NFIX: variants seen among roughly 807,000 people sequenced by gnomAD.
NFIX encodes nuclear factor I X, also known as nuclear factor 1 X-type.
In NFIX, 2 loss-of-function variants were observed where a neutral mutation model predicts 53.3. The ratio of observed to expected loss-of-function variants is 0.04; its 90% CI spans 0.02 to 0.12. The LOEUF (loss-of-function observed/expected upper bound fraction) is 0.12, where lower values mean the gene tolerates loss of function less well. NFIX is among the 10% of genes least tolerant of loss of function. NFIX has a pLI of 1.00. For missense variants in NFIX, 310 were observed against 674.5 expected, an observed-to-expected ratio of 0.46 and a Z score of 5.99; for synonymous variants, 244 against 289.0, an observed-to-expected ratio of 0.84 and a Z score of 1.58.
rs934602083 is a variant in NFIX, at chr19:13,027,479, A to C, written c.559+1927A>C. On this transcript the variant is annotated intron_variant, in intron 2 of 10. Transcript: ENST00000592199. This position sits in a 1 kb window ranked among gnomAD's most constrained non-coding sequence, Gnocchi z 4.3. Reference sequence around the variant, plus strand: ...GAGCTTACCAGTGTGGCCATCAGATACTCCTGCACAAGGGGATTCTGCACC... The same window carrying C: ...GAGCTTACCAGTGTGGCCATCAGATCCTCCTGCACAAGGGGATTCTGCACC... Among the ~76,000 whole-genome samples the C allele has an allele frequency of 6.6e-6, 1 of 152,012 alleles. No individual in the cohort carries two copies. Among genetic ancestry groups the C allele is most frequent in the Non-Finnish European group, 1.5e-5 (1 of 68,008 alleles).
In NFIX at chr19:13,009,616, G is replaced by A. The variant is rs533570914; in HGVS notation, c.27+13752G>A. The stretch of plus-strand genomic sequence containing the variant: ...AGCCCAGAGCAAGAAACAGGAGGAA[G>A]AGGCTTCCTGATTCCCCGCTTAAGG... On this transcript the variant is annotated intron_variant, in intron 1 of 10. Coordinates refer to ENST00000592199, the MANE Select transcript of NFIX (RefSeq NM_001365902.3). The surrounding 1 kb of genome is among the most constrained non-coding windows in gnomAD (Gnocchi z 4.7). 8.5e-5 allele frequency among the ~76,000 whole-genome samples: 13 copies of A among 152,350 alleles called. No individual in the cohort carries two copies. In the East Asian group the frequency reaches 2.5e-3, roughly 29 times the overall value.
At chr19:13,019,723 G>GTT (rs1414490273) in intron 1 of NFIX, among the ~76,000 whole-genome samples, 2 of 115,802 alleles carry the variant, frequency 1.7e-5, no homozygotes, top group Admixed American at 8.2e-5. Flanking sequence ...TTTTTTTTTT[G>GTT]TTTGTTTGTT....
chr19:13,007,222 T>C lies in NFIX; in HGVS notation c.27+11358T>C, dbSNP rs2012073322. On this transcript the variant is annotated intron_variant, in intron 1 of 10. Coordinates refer to ENST00000592199, the MANE Select transcript of NFIX (RefSeq NM_001365902.3). ...AACCTCACTTCCAAACCCGCCGCCATCGTTGGCTCTCTGGCCTTCTCTGCC... is the reference window on the plus strand; with the variant it reads ...AACCTCACTTCCAAACCCGCCGCCACCGTTGGCTCTCTGGCCTTCTCTGCC... 2.0e-5 allele frequency among the ~76,000 whole-genome samples: 3 copies of C among 151,550 alleles called. No individual in the cohort carries two copies. The South Asian group carries it at 6.3e-4, about 32-fold the overall frequency.
Position 13,094,071 on chromosome 19 carries a change from C to T in NFIX, c.1495-564C>T, listed in dbSNP as rs2018299679. ...ATCCAGCACCATGGGCTACGTGGCC[C>T]CTCCCCCAGGCCTGGCGCTACTAGG... On this transcript the variant is annotated intron_variant, in intron 10 of 10. Transcript: ENST00000592199. The surrounding 1 kb of genome is among the most constrained non-coding windows in gnomAD (Gnocchi z 4.3). Among the ~76,000 whole-genome samples the T allele has an allele frequency of 6.6e-6, 1 of 152,186 alleles. No individual in the cohort carries two copies. The highest frequency in any genetic ancestry group is 2.4e-5 in the African/African-American group (1 of 41,428).
chr19:13,003,101 T>TG lies in NFIX; in HGVS notation c.27+7246dup, dbSNP rs5827171. ...CTTCGGTCGAATCATCTTGGGGAGT[T>TG]GGGGGGGGGTTTATTCCGGGTCCAT... is the stretch of plus-strand genomic sequence containing the variant. On this transcript the variant is annotated intron_variant, in intron 1 of 10. Coordinates refer to ENST00000592199, the MANE Select transcript of NFIX (RefSeq NM_001365902.3). 6.8e-3 allele frequency among the ~76,000 whole-genome samples: 1,015 copies of TG among 149,222 alleles called. 12 individuals carry two copies. The highest frequency in any genetic ancestry group is 0.024 in the African/African-American group (963 of 40,554).
intron 2 of NFIX, among the ~76,000 whole-genome samples, chr19:13,053,380 A>T (rs1001602133): frequency 6.6e-6 from 1 of 152,158 alleles, no homozygotes; most frequent in Non-Finnish European, 1.5e-5. Context: ...TATTTTTTTT[A>T]AGTTTCCCAA....
rs2011473614 is a variant in NFIX, at chr19:12,996,539, G to GGCGCGCTGCCAGCGGTGGCCGC, written c.27+678_27+699dup. Among the ~76,000 whole-genome samples, 1 of 152,146 alleles carries GGCGCGCTGCCAGCGGTGGCCGC rather than the reference G, an allele frequency of 6.6e-6. No homozygotes were observed. Among genetic ancestry groups the GGCGCGCTGCCAGCGGTGGCCGC allele is most frequent in the Admixed American group, 6.5e-5 (1 of 15,284 alleles). ...GGGCAGGGGAGGGGAGAGGGGGGCG[G>GGCGCGCTGCCAGCGGTGGCCGC]GCGCGCTGCCAGCGGTGGCCGCGCC... On this transcript the variant is annotated intron_variant, in intron 1 of 10. Transcript: ENST00000592199. This position sits in a 1 kb window ranked among gnomAD's most constrained non-coding sequence, Gnocchi z 5.2.
chr19:13,006,943 T>A lies in NFIX; in HGVS notation c.27+11079T>A, dbSNP rs968367457. Among the ~76,000 whole-genome samples the A allele has an allele frequency of 1.3e-5, 2 of 152,120 alleles. No homozygotes were observed. The highest frequency in any genetic ancestry group is 4.8e-5 in the African/African-American group (2 of 41,430). On this transcript the variant is annotated intron_variant, in intron 1 of 10. Transcript: ENST00000592199. The surrounding 1 kb of genome is among the most constrained non-coding windows in gnomAD (Gnocchi z 5.6). The stretch of plus-strand genomic sequence containing the variant: ...CCAGTCTCCATTTCGAAGCTTGAGG[T>A]GGGGGTGGGGAAGTGCTGGGCGCCT...
At chr19:13,019,509 CCTT>C (rs991429638) in intron 1 of NFIX, among the ~76,000 whole-genome samples, 16 of 151,988 alleles carry the variant, frequency 1.1e-4, no homozygotes, top group African/African-American at 3.1e-4. Context: ...CCATCTTTGT[CCTT>C]CTTTCTTTTC....
Position 13,012,753 on chromosome 19 carries a change from A to T in NFIX, c.28-12268A>T, listed in dbSNP as rs2012431436. Among the ~76,000 whole-genome samples, 1 of 152,150 alleles carries T rather than the reference A, an allele frequency of 6.6e-6. No homozygotes were observed. Among genetic ancestry groups the T allele is most frequent in the Non-Finnish European group, 1.5e-5 (1 of 68,040 alleles). On this transcript the variant is annotated intron_variant, in intron 1 of 10. Coordinates refer to ENST00000592199, the MANE Select transcript of NFIX (RefSeq NM_001365902.3). The surrounding 1 kb of genome is among the most constrained non-coding windows in gnomAD (Gnocchi z 5.0). ...GGTGCTTGGGAGAGTTTGGGGTTTAACTGCCCCCAAATCCGAGGACAGCTT... is the reference window on the plus strand; with the variant it reads ...GGTGCTTGGGAGAGTTTGGGGTTTATCTGCCCCCAAATCCGAGGACAGCTT...
chr19:13,037,917 A>G lies in NFIX; in HGVS notation c.559+12365A>G, dbSNP rs1333224897. Among the ~76,000 whole-genome samples the G allele has an allele frequency of 6.6e-6, 1 of 152,138 alleles. No homozygotes were observed. The highest frequency in any genetic ancestry group is 1.5e-5 in the Non-Finnish European group (1 of 68,014). ...CCAAACGTCACAAGTGCGGAGGTGG[A>G]GAAACCCAGCCTTAGAGGGAGAATA... On this transcript the variant is annotated intron_variant, in intron 2 of 10. Transcript: ENST00000592199. This position sits in a 1 kb window ranked among gnomAD's most constrained non-coding sequence, Gnocchi z 4.2.
chr19:13,023,204 CA>C (rs578043754), intron 1 of NFIX, among the ~76,000 whole-genome samples: 1,417 of 131,358 alleles, frequency 0.011, 13 homozygotes, highest in African/African-American at 0.033. Flanking sequence ...AGAAAAGGAG[CA>C]AAAAAAAAAA....
Position 13,052,909 on chromosome 19 carries a change from C to G in NFIX, c.560-20138C>G, listed in dbSNP as rs1045140310. ...TGTGTCTTCCCATGTTCCCTTCGTC[C>G]TGTTCACAGGGAGGTGGAAATCCAG... On this transcript the variant is annotated intron_variant, in intron 2 of 10. Coordinates refer to ENST00000592199, the MANE Select transcript of NFIX (RefSeq NM_001365902.3). This position sits in a 1 kb window ranked among gnomAD's most constrained non-coding sequence, Gnocchi z 5.2. Among the ~76,000 whole-genome samples, 1 of 152,240 alleles carries G rather than the reference C, an allele frequency of 6.6e-6. No individual in the cohort carries two copies. The highest frequency in any genetic ancestry group is 1.5e-5 in the Non-Finnish European group (1 of 68,044).
intron 2 of NFIX, among the ~76,000 whole-genome samples, chr19:13,033,931 T>C (rs893395563): frequency 2.0e-5 from 3 of 152,226 alleles, no homozygotes; most frequent in Admixed American, 6.5e-5. Flanking sequence ...CTGGAGCTGA[T>C]TCCCTCCTCA....
In NFIX at chr19:12,996,170, T is replaced by C. The variant is rs867292592; in HGVS notation, c.27+306T>C. On this transcript the variant is annotated intron_variant, in intron 1 of 10. Transcript: ENST00000592199. The surrounding 1 kb of genome is among the most constrained non-coding windows in gnomAD (Gnocchi z 5.2). ...GTGTGTGTGTGTGTGTGTGTGTGTG[T>C]GCGCGCTCGACTGGGGTGCGATGGG... Among the ~76,000 whole-genome samples the C allele has an allele frequency of 4.9e-3, 683 of 139,526 alleles. 2 individuals are homozygous for C. Among genetic ancestry groups the C allele is most frequent in the South Asian group, 0.011 (47 of 4,168 alleles). 91.5% of individuals were successfully genotyped at this position (139,526 alleles called of 152,430 possible).
At chr19:13,015,428 G>A (rs1470316817) in intron 1 of NFIX, among the ~76,000 whole-genome samples, 1 of 152,084 alleles carries the variant, frequency 6.6e-6, no homozygotes, top group Non-Finnish European at 1.5e-5. Flanking sequence ...GCCTGGTGTC[G>A]CTTGCTCACT....
rs971804798 is a variant in NFIX at position 13,075,104 on chromosome 19, C to G, written c.819-431C>G. 3.1e-5 allele frequency among the ~76,000 whole-genome samples: 4 copies of G among 130,072 alleles called. No homozygotes were observed. In the East Asian group the frequency reaches 9.9e-4, roughly 32 times the overall value. 85.3% of individuals were successfully genotyped at this position (130,072 alleles called of 152,430 possible). ...AAAAAAAAAAAGGAACTAAAATATT[C>G]TTTATATTGATGACTGAGTTTTATG... On this transcript the variant is annotated intron_variant, in intron 5 of 10. Coordinates refer to ENST00000592199, the MANE Select transcript of NFIX (RefSeq NM_001365902.3).
At position 13,028,702 on chromosome 19, in the gene NFIX, G is replaced by A. The variant is rs1044612337; in HGVS notation, c.559+3150G>A. ...GCAGGGTCAGAGAGCACTGCCGTGG[G>A]GAGGAGGGTATCCATTTCCTGGTGA... is the stretch of plus-strand genomic sequence containing the variant. On this transcript the variant is annotated intron_variant, in intron 2 of 10. Transcript: ENST00000592199. This position sits in a 1 kb window ranked among gnomAD's most constrained non-coding sequence, Gnocchi z 4.2. 1.3e-5 allele frequency among the ~76,000 whole-genome samples: 2 copies of A among 152,170 alleles called. No homozygotes were observed. Among genetic ancestry groups the A allele is most frequent in the African/African-American group, 4.8e-5 (2 of 41,434 alleles).
At chr19:13,075,068 T>TTAAAAAA (rs556561337) in intron 5 of NFIX, among the ~76,000 whole-genome samples, 3 of 73,704 alleles carry the variant, frequency 4.1e-5, no homozygotes, top group African/African-American at 2.0e-4. Flanking sequence ...AGACTCCATC[T>TTAAAAAA]AAAAAAAAAA....
Sources: allele counts gnomAD v4.1 joint callset (sites outside exome capture counted in the v4.1 genomes callset), GRCh38; gene constraint gnomAD v4.1.1; non-coding constraint Gnocchi (gnomAD v3.1); transcripts MANE v1.5; gene names NCBI Gene and HGNC (gene_info 2026-07-23, HGNC 2026-07-21).